The following ARL15 variants were observed in gnomAD, a reference collection of about 807,000 sequenced individuals.
The protein encoded by ARL15 is ARF like GTPase 15.
A neutral mutation model predicts 25.2 loss-of-function variants in ARL15; 19 were observed. The ratio of observed to expected loss-of-function variants is 0.75; its 90% CI spans 0.53 to 1.10. ARL15 has a LOEUF of 1.10. ARL15 is among the 50% of genes least tolerant of loss of function. The pLI, the probability that ARL15 is intolerant of heterozygous loss-of-function variation, is 0.00. For synonymous variants in ARL15, 94 were observed against 86.8 expected (o/e 1.08, Z -0.46); for missense variants, 220 against 246.0 (o/e 0.89, Z 0.71).
At chr5:54,254,779 G>A (rs2112607782) in intron 1 of ARL15, among the ~76,000 whole-genome samples, 1 of 152,320 alleles carries the variant, frequency 6.6e-6, no homozygotes, top group East Asian at 1.9e-4. Flanking sequence ...AGGGGAGAGG[G>A]GCAGGGGATA....
At chr5:54,267,350 CAA>C (rs751314851) in intron 1 of ARL15, among the ~76,000 whole-genome samples, 19 of 152,184 alleles carry the variant, frequency 1.2e-4, no homozygotes, top group Non-Finnish European at 2.8e-4. Flanking sequence ...CTCAACCTCC[CAA>C]AGTGCTGGGA....
chr5:53,938,537 G>A (rs1746428170), intron 4 of ARL15, among the ~76,000 whole-genome samples: 1 of 152,214 alleles, frequency 6.6e-6, no homozygotes, highest in Non-Finnish European at 1.5e-5. Flanking sequence ...CACCCAAAAT[G>A]CAATTCTGGC....
intron 4 of ARL15, among the ~76,000 whole-genome samples, chr5:54,033,755 T>C (rs888246093): frequency 6.6e-6 from 1 of 151,934 alleles, no homozygotes; most frequent in Non-Finnish European, 1.5e-5. Flanking sequence ...ACAGAAATAA[T>C]AGTTTGAAAT....
In ARL15 at chr5:54,194,341, A is replaced by G. The variant is rs568345965; in HGVS notation, c.49-22413T>C. Among the ~76,000 whole-genome samples, 5 of 152,286 alleles carry G rather than the reference A, an allele frequency of 3.3e-5. No homozygotes were observed. The East Asian group carries it at 9.7e-4, about 29-fold the overall frequency. Reference sequence around the variant, plus strand: ...AAGGATAAAAGATGATTCAAGCCTAATATGCAAGGCTCCTCACCTCTCCAT... The same window carrying G: ...AAGGATAAAAGATGATTCAAGCCTAGTATGCAAGGCTCCTCACCTCTCCAT... On this transcript the variant is annotated intron_variant, in intron 1 of 4. Coordinates refer to ENST00000504924, the MANE Select transcript of ARL15 (RefSeq NM_019087.3).
At chr5:54,207,923 T>C (rs549632087) in intron 1 of ARL15, among the ~76,000 whole-genome samples, 1 of 152,342 alleles carries the variant, frequency 6.6e-6, no homozygotes, top group East Asian at 1.9e-4. Flanking sequence ...ACACCTTTTA[T>C]TTTCTGTACT....
intron 4 of ARL15, among the ~76,000 whole-genome samples, chr5:53,924,413 A>AAAAT (rs556578809): frequency 1.4e-3 from 220 of 152,338 alleles, no homozygotes; most frequent in Non-Finnish European, 1.6e-3. Flanking sequence ...AGATAAATTG[A>AAAAT]AAATAAGATT....
intron 4 of ARL15, among the ~76,000 whole-genome samples, chr5:54,105,857 T>C (rs1752574493): frequency 1.3e-5 from 2 of 152,210 alleles, no homozygotes; most frequent in South Asian, 2.1e-4. Flanking sequence ...TTTTAATAAA[T>C]TGAATTCATC....
chr5:54,198,974 G>A (rs949376586), intron 1 of ARL15, among the ~76,000 whole-genome samples: 1 of 151,758 alleles, frequency 6.6e-6, no homozygotes. Context: ...ACAGAACAGA[G>A]CCCTCAGAAA....
chr5:54,239,856 G>A (rs1380882383), intron 1 of ARL15, among the ~76,000 whole-genome samples: 1 of 152,134 alleles, frequency 6.6e-6, no homozygotes, highest in African/African-American at 2.4e-5. Context: ...CTATTTACCT[G>A]CAAGTCTGTT....
chr5:54,222,865 C>A (rs959391147), intron 1 of ARL15, among the ~76,000 whole-genome samples: 7 of 152,056 alleles, frequency 4.6e-5, no homozygotes, highest in Admixed American at 3.9e-4. Context: ...ACTCTGTCGC[C>A]CAAGAGTGCA....
chr5:54,107,093 G>A (rs187961004), intron 4 of ARL15, among the ~76,000 whole-genome samples: 1 of 152,080 alleles, frequency 6.6e-6, no homozygotes, highest in East Asian at 1.9e-4. Context: ...GAGGTGAAAG[G>A]TACTTCTTCC....
At chr5:54,042,797 G>A (rs539114898) in intron 4 of ARL15, among the ~76,000 whole-genome samples, 2 of 152,230 alleles carry the variant, frequency 1.3e-5, no homozygotes, top group South Asian at 4.2e-4. Flanking sequence ...GAGTGCCTCG[G>A]GTGTCACCAA....
intron 3 of ARL15, among the ~76,000 whole-genome samples, chr5:54,151,244 G>C (rs960974380): frequency 3.9e-5 from 6 of 152,182 alleles, no homozygotes; most frequent in African/African-American, 1.4e-4. Flanking sequence ...ACAGGTAGTT[G>C]AGAACAAGGC....
At chr5:53,950,364 A>G (rs1746905200) in intron 4 of ARL15, among the ~76,000 whole-genome samples, 1 of 152,186 alleles carries the variant, frequency 6.6e-6, no homozygotes, top group Admixed American at 6.5e-5. Context: ...CGACGATGTC[A>G]TGACGGCTGG....
At chr5:54,194,258 C>T (rs1177152884) in intron 1 of ARL15, among the ~76,000 whole-genome samples, 2 of 151,752 alleles carry the variant, frequency 1.3e-5, no homozygotes, top group Admixed American at 1.3e-4. Context: ...AGGCATGGAC[C>T]CACTGCGATG....
At chr5:54,218,625 T>C (rs987182321) in intron 1 of ARL15, among the ~76,000 whole-genome samples, 1 of 152,100 alleles carries the variant, frequency 6.6e-6, no homozygotes, top group African/African-American at 2.4e-5. Flanking sequence ...TAGGGTTTAG[T>C]TGGTGGGGAA....
At chr5:54,164,715 T>C (rs1332124906) in intron 2 of ARL15, among the ~76,000 whole-genome samples, 1 of 152,024 alleles carries the variant, frequency 6.6e-6, no homozygotes, top group African/African-American at 2.4e-5. Context: ...TGTATCTTTT[T>C]CCACCTTTGT....
In ARL15 at chr5:53,956,356, T is replaced by C. The variant is rs545289718; in HGVS notation, c.463-69643A>G. On this transcript the variant is annotated intron_variant, in intron 4 of 4. Coordinates refer to ENST00000504924, the MANE Select transcript of ARL15 (RefSeq NM_019087.3). ...GAAAGACTGATTTCCAGGGTTACCA[T>C]ATTACAAAAGTCAAAATGTCCAATT... Among the ~76,000 whole-genome samples the C allele has an allele frequency of 9.9e-5, 15 of 151,552 alleles. No homozygotes were observed. In the East Asian group the frequency reaches 3.0e-3, roughly 30 times the overall value.
intron 4 of ARL15, among the ~76,000 whole-genome samples, chr5:53,941,155 C>T (rs1403867204): frequency 6.6e-6 from 1 of 152,086 alleles, no homozygotes; most frequent in African/African-American, 2.4e-5. Flanking sequence ...TTCTACTTTT[C>T]TCCTTCTTCC....
Sources: gnomAD v4.1 joint callset for allele counts (sites outside exome capture counted in the v4.1 genomes callset) on GRCh38, gnomAD v4.1.1 for gene constraint, MANE v1.5 for transcripts, NCBI Gene and HGNC (gene_info 2026-07-23, HGNC 2026-07-21) for gene names.